Variants in FGF12 observed in about 807,000 individuals in gnomAD.
The protein encoded by FGF12 is fibroblast growth factor 12.
Under a neutral mutation model 23.6 loss-of-function variants are expected in FGF12, and 14 were observed. The observed-to-expected ratio is 0.59, with a 90% CI of 0.39 to 0.93. FGF12 has a LOEUF of 0.93. FGF12 is among the 40% of genes least tolerant of loss of function. The pLI is 0.00. For synonymous variants in FGF12, 62 were observed against 77.3 expected (o/e 0.80, Z 1.04); for missense variants, 175 against 217.8 (o/e 0.80, Z 1.24).
chr3:192,671,242 G>A (rs1199435696), intron 2 of FGF12, among the ~76,000 whole-genome samples: 1 of 152,164 alleles, frequency 6.6e-6, no homozygotes, highest in Non-Finnish European at 1.5e-5. Context: ...AGAGAGTGAT[G>A]TGATTGTTTT....
chr3:192,418,641 G>C (rs901496188), intron 2 of FGF12, among the ~76,000 whole-genome samples: 2 of 152,042 alleles, frequency 1.3e-5, no homozygotes, highest in African/African-American at 4.8e-5. Context: ...TTGGATCATG[G>C]GGGCAGACTT....
intron 2 of FGF12, among the ~76,000 whole-genome samples, chr3:192,555,266 C>A (rs1021457199): frequency 6.6e-6 from 1 of 152,008 alleles, no homozygotes; most frequent in Non-Finnish European, 1.5e-5. Context: ...AAAAGTCAGA[C>A]AATGAGAGAG....
At position 192,454,244 on chromosome 3, in the gene FGF12, T is replaced by G. The variant is rs539154076; in HGVS notation, c.14-93706A>C. Among the ~76,000 whole-genome samples, 60 of 152,246 alleles carry G rather than the reference T, an allele frequency of 3.9e-4. 1 individual carries two copies. The South Asian group carries it at 0.012, about 30-fold the overall frequency. On this transcript the variant is annotated intron_variant, in intron 2 of 5. Transcript: ENST00000445105. Reference sequence around the variant, plus strand: ...TAGTAGAGATGGGGTCTCACCGTGTTAGCCAGAATGGTCTCAATCTCCTGA... The same window carrying G: ...TAGTAGAGATGGGGTCTCACCGTGTGAGCCAGAATGGTCTCAATCTCCTGA...
chr3:192,610,485 C>A (rs975779019), intron 2 of FGF12, among the ~76,000 whole-genome samples: 2 of 152,004 alleles, frequency 1.3e-5, no homozygotes, highest in Non-Finnish European at 2.9e-5. Context: ...CTGTTTATCT[C>A]CCGTTGTTAA....
intron 2 of FGF12, among the ~76,000 whole-genome samples, chr3:192,623,497 C>T (rs1321197004): frequency 2.0e-5 from 3 of 152,102 alleles, no homozygotes; most frequent in African/African-American, 4.8e-5. Flanking sequence ...CTAAAAATTG[C>T]GATTGCTCTT....
intron 4 of FGF12, among the ~76,000 whole-genome samples, chr3:192,315,602 A>T (rs1716186695): frequency 6.6e-6 from 1 of 152,190 alleles, no homozygotes; most frequent in Non-Finnish European, 1.5e-5. Flanking sequence ...GGGAAAAAAT[A>T]AGTAGCCAAT....
intron 2 of FGF12, among the ~76,000 whole-genome samples, chr3:192,469,456 T>A (rs1250230156): frequency 1.3e-5 from 2 of 152,224 alleles, no homozygotes; most frequent in Non-Finnish European, 2.9e-5. Context: ...GCCTTCCTTC[T>A]TTACCTGTAA....
chr3:192,416,876 G>A (rs747749534), intron 2 of FGF12, among the ~76,000 whole-genome samples: 1 of 152,176 alleles, frequency 6.6e-6, no homozygotes, highest in Admixed American at 6.5e-5. Context: ...GATATAGATA[G>A]GTATGCATTT....
intron 4 of FGF12, among the ~76,000 whole-genome samples, chr3:192,222,593 T>C (rs998030368): frequency 2.6e-5 from 4 of 152,176 alleles, no homozygotes; most frequent in African/African-American, 9.6e-5. Flanking sequence ...TGTGAAAATA[T>C]GTCTCTCCTC....
chr3:192,253,308 T>C (rs1712157695), intron 4 of FGF12, among the ~76,000 whole-genome samples: 1 of 151,828 alleles, frequency 6.6e-6, no homozygotes, highest in Admixed American at 6.6e-5. Context: ...ACTAATCCTA[T>C]TAAAGAAAAG....
At chr3:192,287,337 AG>A (rs1471963675) in intron 4 of FGF12, among the ~76,000 whole-genome samples, 1 of 152,104 alleles carries the variant, frequency 6.6e-6, no homozygotes, top group East Asian at 1.9e-4. Context: ...CAAGTAAATC[AG>A]GGAGGAACCG....
chr3:192,195,784 G>A (rs1029493013), intron 4 of FGF12, among the ~76,000 whole-genome samples: 12 of 151,008 alleles, frequency 7.9e-5, no homozygotes, highest in East Asian at 1.9e-4. Flanking sequence ...ACACACACAC[G>A]CACACACACA....
chr3:192,586,536 A>G (rs1446891478), intron 2 of FGF12, among the ~76,000 whole-genome samples: 1 of 152,234 alleles, frequency 6.6e-6, no homozygotes, highest in East Asian at 1.9e-4. Flanking sequence ...ATATAATTAA[A>G]TCATTCCAAA....
chr3:192,305,775 T>C (rs1205837993), intron 4 of FGF12, among the ~76,000 whole-genome samples: 1 of 149,200 alleles, frequency 6.7e-6, no homozygotes, highest in Non-Finnish European at 1.5e-5. Flanking sequence ...GACACTGATA[T>C]TAGTGACCCC....
chr3:192,296,625 A>G (rs1002102635), intron 4 of FGF12, among the ~76,000 whole-genome samples: 5 of 152,342 alleles, frequency 3.3e-5, no homozygotes, highest in Non-Finnish European at 7.4e-5. Flanking sequence ...TTAGTTGTAC[A>G]GATTCTTTAT....
At chr3:192,369,953 G>A (rs1719149558) in intron 2 of FGF12, among the ~76,000 whole-genome samples, 1 of 152,198 alleles carries the variant, frequency 6.6e-6, no homozygotes, top group South Asian at 2.1e-4. Context: ...CTTTAAAGAT[G>A]AAGTACCACT....
intron 2 of FGF12, among the ~76,000 whole-genome samples, chr3:192,490,651 A>G (rs1293550007): frequency 6.6e-6 from 1 of 152,078 alleles, no homozygotes; most frequent in Non-Finnish European, 1.5e-5. Flanking sequence ...AAACAACTCA[A>G]ATGGACATGA....
rs1713549806 is a variant in FGF12 at position 192,143,969 on chromosome 3, G to A, written c.*40C>T. ...AATGGGTAAATGGGAAGGAAGGGAA[G>A]GGGAAGGGATGAGAGAGGGAAGAAG... On this transcript the variant is annotated 3_prime_UTR_variant, in exon 6 of 6. Transcript: ENST00000445105. 1.6e-6 allele frequency: 2 copies of A among 1,213,086 alleles called. No homozygotes were observed. Among genetic ancestry groups the A allele is most frequent in the East Asian group, 4.7e-5 (2 of 42,240 alleles). 75.1% of individuals were successfully genotyped at this position (1,213,086 alleles called of 1,614,324 possible).
chr3:192,513,482 C>T (rs1049633892), intron 2 of FGF12, among the ~76,000 whole-genome samples: 3 of 152,050 alleles, frequency 2.0e-5, no homozygotes, highest in Non-Finnish European at 4.4e-5. Context: ...TTTTATATTT[C>T]ATTTAGACTG....
Sources: allele counts gnomAD v4.1 joint callset (sites outside exome capture counted in the v4.1 genomes callset), GRCh38; gene constraint gnomAD v4.1.1; transcripts MANE v1.5; gene names NCBI Gene and HGNC (gene_info 2026-07-23, HGNC 2026-07-21).